LRRTM4: variants seen among roughly 807,000 people sequenced by gnomAD.
The protein encoded by LRRTM4 is leucine-rich repeat transmembrane neuronal protein 4.
In LRRTM4, 25 loss-of-function variants were observed where a neutral mutation model predicts 47.6. That is an observed-to-expected ratio of 0.53 (90% CI 0.38 to 0.73). The LOEUF (loss-of-function observed/expected upper bound fraction) is 0.73, where lower values mean the gene tolerates loss of function less well. LRRTM4 is among the 30% of genes least tolerant of loss of function. The pLI, the probability that LRRTM4 is intolerant of heterozygous loss-of-function variation, is 0.00. For missense variants in LRRTM4, 638 were observed against 713.4 expected, an observed-to-expected ratio of 0.89 and a Z score of 1.20; for synonymous variants, 311 against 269.5, an observed-to-expected ratio of 1.15 and a Z score of -1.51.
intron 3 of LRRTM4, among the ~76,000 whole-genome samples, chr2:76,936,609 A>G (rs542888542): frequency 2.0e-5 from 3 of 151,318 alleles, no homozygotes; most frequent in Non-Finnish European, 4.4e-5. Flanking sequence ...AAAGAAAGAA[A>G]AAGAAAAAGC....
chr2:76,813,059 G>GAGAC (rs932480007), intron 3 of LRRTM4, among the ~76,000 whole-genome samples: 8 of 151,976 alleles, frequency 5.3e-5, no homozygotes, highest in African/African-American at 1.9e-4. Flanking sequence ...AGCTACTTGG[G>GAGAC]AGACTGAGGC....
intron 3 of LRRTM4, among the ~76,000 whole-genome samples, chr2:77,275,081 A>G (rs1676306604): frequency 6.6e-6 from 1 of 152,160 alleles, no homozygotes; most frequent in Non-Finnish European, 1.5e-5. Flanking sequence ...AAGAGACATA[A>G]GAGAAAAAAT....
chr2:77,437,392 A>G (rs1193087548), intron 3 of LRRTM4, among the ~76,000 whole-genome samples: 1 of 152,046 alleles, frequency 6.6e-6, no homozygotes, highest in East Asian at 1.9e-4. Context: ...AAACAAGGTA[A>G]TTGCATTATC....
chr2:77,381,985 A>G (rs1325351565), intron 3 of LRRTM4, among the ~76,000 whole-genome samples: 1 of 152,100 alleles, frequency 6.6e-6, no homozygotes, highest in African/African-American at 2.4e-5. Flanking sequence ...TTAATAAGCT[A>G]TATGATGCAT....
chr2:77,270,150 A>C (rs575684122), intron 3 of LRRTM4, among the ~76,000 whole-genome samples: 1 of 152,342 alleles, frequency 6.6e-6, no homozygotes, highest in Non-Finnish European at 1.5e-5. Flanking sequence ...GGGCCAAAGT[A>C]AAAACCTCTA....
chr2:77,397,997 G>A (rs140934151), intron 3 of LRRTM4, among the ~76,000 whole-genome samples: 1 of 151,846 alleles, frequency 6.6e-6, no homozygotes, highest in Non-Finnish European at 1.5e-5. Context: ...CCAGACTCTG[G>A]AATGACAAAT....
intron 3 of LRRTM4, among the ~76,000 whole-genome samples, chr2:76,834,157 C>T (rs960374843): frequency 6.6e-6 from 1 of 151,594 alleles, no homozygotes; most frequent in Admixed American, 6.6e-5. Context: ...TCTCCTGCCT[C>T]AGTCTCCCTA....
intron 3 of LRRTM4, among the ~76,000 whole-genome samples, chr2:76,925,412 C>G (rs1674559001): frequency 6.6e-6 from 1 of 152,128 alleles, no homozygotes; most frequent in African/African-American, 2.4e-5. Context: ...CCCTTGATTT[C>G]AGCCTCTGAG....
chr2:77,364,036 C>T (rs1447007023), intron 3 of LRRTM4, among the ~76,000 whole-genome samples: 3 of 151,708 alleles, frequency 2.0e-5, no homozygotes, highest in Non-Finnish European at 4.4e-5. Flanking sequence ...CCTCTCAACA[C>T]ACCTAAATTT....
chr2:77,337,633 C>T (rs1235744246), intron 3 of LRRTM4, among the ~76,000 whole-genome samples: 2 of 152,184 alleles, frequency 1.3e-5, no homozygotes, highest in South Asian at 2.1e-4. Flanking sequence ...GAAGAAGGTA[C>T]TTGCTTCTCC....
intron 3 of LRRTM4, among the ~76,000 whole-genome samples, chr2:77,259,649 C>A (rs1037504340): frequency 4.6e-5 from 7 of 151,958 alleles, no homozygotes; most frequent in Middle Eastern, 3.4e-3. Context: ...GTAGGCACAC[C>A]CTTTCCAAAG....
intron 3 of LRRTM4, among the ~76,000 whole-genome samples, chr2:77,042,302 C>T (rs1392126274): frequency 6.6e-6 from 1 of 151,576 alleles, no homozygotes; most frequent in Non-Finnish European, 1.5e-5. Context: ...AAGAAATCAA[C>T]ACAGCAGTAT....
chr2:77,216,762 T>C (rs1386827833), intron 3 of LRRTM4, among the ~76,000 whole-genome samples: 1 of 151,502 alleles, frequency 6.6e-6, no homozygotes, highest in Non-Finnish European at 1.5e-5. Flanking sequence ...TAGTTGTGCA[T>C]CTGTATCACT....
At chr2:76,968,369 T>C (rs1332221072) in intron 3 of LRRTM4, among the ~76,000 whole-genome samples, 2 of 131,692 alleles carry the variant, frequency 1.5e-5, no homozygotes, top group African/African-American at 3.0e-5. Context: ...TATATATATA[T>C]ATATATATAT....
intron 3 of LRRTM4, among the ~76,000 whole-genome samples, chr2:76,802,023 C>A (rs187886906): frequency 6.6e-6 from 1 of 152,018 alleles, no homozygotes; most frequent in African/African-American, 2.4e-5. Flanking sequence ...TCATATTCAA[C>A]GGTGAAAAGT....
intron 3 of LRRTM4, among the ~76,000 whole-genome samples, chr2:77,256,419 G>A (rs989676774): frequency 6.6e-6 from 1 of 152,030 alleles, no homozygotes; most frequent in African/African-American, 2.4e-5. Flanking sequence ...GTTTTGCTAT[G>A]CCCCCACCCA....
intron 3 of LRRTM4, among the ~76,000 whole-genome samples, chr2:77,385,741 CTTTTTTTTTTTT>C (rs33978835): frequency 1.2e-5 from 1 of 82,298 alleles, no homozygotes; most frequent in Non-Finnish European, 2.2e-5. Flanking sequence ...GTACATGGTA[CTTTTTTTTTTTT>C]TTTTTTTTTT....
intron 3 of LRRTM4, among the ~76,000 whole-genome samples, chr2:76,917,418 T>C (rs116052968): frequency 0.016 from 2,416 of 152,248 alleles, 38 homozygotes; most frequent in Non-Finnish European, 0.025. Flanking sequence ...TGCATCTCCA[T>C]TGGAGGAGTT....
intron 3 of LRRTM4, among the ~76,000 whole-genome samples, chr2:76,881,410 G>GAA (rs1672924797): frequency 6.7e-6 from 1 of 149,950 alleles, no homozygotes; most frequent in Admixed American, 6.6e-5. Flanking sequence ...TAATATGTGT[G>GAA]AAATTTCTGC....
Sources: gnomAD v4.1 joint callset for allele counts (sites outside exome capture counted in the v4.1 genomes callset) on GRCh38, gnomAD v4.1.1 for gene constraint, MANE v1.5 for transcripts, NCBI Gene and HGNC (gene_info 2026-07-23, HGNC 2026-07-21) for gene names.